The following ZNF710 variants were observed in gnomAD, a reference collection of about 807,000 sequenced individuals.
ZNF710 encodes zinc finger protein 710.
ZNF710 carries 13 observed loss-of-function variants against 50.6 expected under a neutral mutation model. The observed-to-expected ratio is 0.26, with a 90% CI of 0.17 to 0.41. The LOEUF (loss-of-function observed/expected upper bound fraction) is 0.41, where lower values mean the gene tolerates loss of function less well. Ranked by LOEUF, ZNF710 falls within the 10% of genes least tolerant of loss-of-function variation. The pLI is 1.00. For missense variants in ZNF710, 721 were observed against 936.6 expected (o/e 0.77, Z 3.01); for synonymous variants, 383 against 397.0 (o/e 0.96, Z 0.42).
upstream of ZNF710, among the ~76,000 whole-genome samples, chr15:89,999,873 TGAG>T (rs749232910): frequency 5.3e-5 from 8 of 150,422 alleles, no homozygotes; most frequent in Non-Finnish European, 1.2e-4. Context: ...GAGGAATTGA[TGAG>T]GAGAAGGGGT....
In ZNF710 at chr15:90,049,547, A is replaced by G. The variant is rs190866095; in HGVS notation, c.-28-17563A>G. ...ATCTGGGACACATGGCCCAGAGCCT[A>G]CCACCCTGCAGACAGGGCTTCCAAG... is the stretch of plus-strand genomic sequence containing the variant. On this transcript the variant is annotated intron_variant, in intron 1 of 4. Transcript: ENST00000268154. Among the ~76,000 whole-genome samples the G allele has an allele frequency of 7.9e-5, 12 of 152,322 alleles. 1 individual carries two copies. In the East Asian group the frequency reaches 2.1e-3, roughly 27 times the overall value.
intron 1 of ZNF710, among the ~76,000 whole-genome samples, chr15:90,047,940 C>T (rs943116859): frequency 2.0e-5 from 3 of 152,178 alleles, no homozygotes; most frequent in South Asian, 2.1e-4. Flanking sequence ...GCTCGAGGGT[C>T]GTGCTGTGAG....
chr15:90,079,611 C>T, intron 4 of ZNF710, 49 bp from the exon 5 acceptor site: 1 of 1,592,694 alleles, frequency 6.3e-7, no homozygotes, highest in Non-Finnish European at 8.5e-7. Flanking sequence ...GGGTGACTGG[C>T]TCCTCCCGAG....
chr15:90,016,531 T>C (rs1311911339), intron 1 of ZNF710, among the ~76,000 whole-genome samples: 1 of 152,176 alleles, frequency 6.6e-6, no homozygotes, highest in Non-Finnish European at 1.5e-5. Flanking sequence ...AGCCTCAAAC[T>C]CCTGGGCTCA....
At chr15:90,023,786 C>T (rs900175926) in intron 1 of ZNF710, among the ~76,000 whole-genome samples, 3 of 152,154 alleles carry the variant, frequency 2.0e-5, no homozygotes, top group African/African-American at 7.2e-5. Flanking sequence ...TCATTGAGCT[C>T]AGAAGTTCGA....
intron 1 of ZNF710, among the ~76,000 whole-genome samples, chr15:90,037,420 G>C (rs1167828595): frequency 6.6e-6 from 1 of 152,166 alleles, no homozygotes; most frequent in African/African-American, 2.4e-5. Context: ...TGGGAAGGCT[G>C]CCTTGCTCAG....
chr15:90,053,941 G>A (rs542892417), intron 1 of ZNF710, among the ~76,000 whole-genome samples: 2 of 152,308 alleles, frequency 1.3e-5, no homozygotes, highest in South Asian at 4.1e-4. Flanking sequence ...TGGGGAGTCT[G>A]ACCCTTAGAG....
intron 3 of ZNF710, 88 bp downstream of exon 3, chr15:90,073,350 C>T: frequency 6.8e-7 from 1 of 1,480,394 alleles, no homozygotes; most frequent in South Asian, 1.2e-5. Context: ...CCACCAAGCG[C>T]CAGCCTGGCC....
chr15:90,008,540 T>G (rs1440719275), intron 1 of ZNF710, among the ~76,000 whole-genome samples: 1 of 149,978 alleles, frequency 6.7e-6, no homozygotes, highest in African/African-American at 2.5e-5. Flanking sequence ...CACAGGACTT[T>G]GGGAGGCCCA....
At chr15:90,023,092 G>A (rs10775249) in intron 1 of ZNF710, among the ~76,000 whole-genome samples, 82,399 of 151,896 alleles carry the variant, frequency 0.54, 23,116 homozygotes, top group Non-Finnish European at 0.58. Context: ...CCCATTTTAC[G>A]GACAGGGAAA....
chr15:90,046,953 G>A (rs1162975345), intron 1 of ZNF710, among the ~76,000 whole-genome samples: 1 of 152,182 alleles, frequency 6.6e-6, no homozygotes, highest in Admixed American at 6.5e-5. Context: ...GCTCTTCCTG[G>A]CCCCACCTGC....
chr15:90,065,639 G>A (rs1035641981), intron 1 of ZNF710, among the ~76,000 whole-genome samples: 5 of 152,216 alleles, frequency 3.3e-5, no homozygotes, highest in Non-Finnish European at 7.3e-5. Flanking sequence ...CTCCACAGAC[G>A]GCTCACGGAG....
intron 1 of ZNF710, among the ~76,000 whole-genome samples, chr15:90,021,012 C>G (rs1027091340): frequency 1.9e-5 from 2 of 104,398 alleles, no homozygotes; most frequent in Admixed American, 8.6e-5. Flanking sequence ...GTGTGGCACC[C>G]CCCCCCCCTT....
chr15:90,027,411 T>C (rs930152673), intron 1 of ZNF710, among the ~76,000 whole-genome samples: 3 of 152,136 alleles, frequency 2.0e-5, no homozygotes, highest in Non-Finnish European at 4.4e-5. Context: ...GGTTTCACCA[T>C]GTTGGTCAGG....
chr15:90,018,543 G>A (rs1034212070), intron 1 of ZNF710, among the ~76,000 whole-genome samples: 3 of 152,100 alleles, frequency 2.0e-5, no homozygotes, highest in Admixed American at 2.0e-4. Flanking sequence ...TTAAGAACTG[G>A]CCTTTTTTCG....
At chr15:90,014,585 G>A (rs901787624) in intron 1 of ZNF710, among the ~76,000 whole-genome samples, 5 of 148,408 alleles carry the variant, frequency 3.4e-5, no homozygotes, top group Admixed American at 6.7e-5. Context: ...TCTAAAAAAC[G>A]AACACATTAA....
chr15:90,035,515 G>C lies in ZNF710; in HGVS notation c.-28-31595G>C, dbSNP rs530444461. Among the ~76,000 whole-genome samples the C allele has an allele frequency of 9.2e-5, 14 of 152,350 alleles. No individual in the cohort carries two copies. The East Asian group carries it at 2.5e-3, about 27-fold the overall frequency. ...CACCATCGTGCTTCTTATGTGCCGG[G>C]ACAGGATCAGGACCATGTTGTGCCT... is the stretch of plus-strand genomic sequence containing the variant. On this transcript the variant is annotated intron_variant, in intron 1 of 4. Coordinates refer to ENST00000268154, the MANE Select transcript of ZNF710 (RefSeq NM_198526.4).
At chr15:90,049,474 T>C (rs1899570896) in intron 1 of ZNF710, among the ~76,000 whole-genome samples, 1 of 152,192 alleles carries the variant, frequency 6.6e-6, no homozygotes, top group African/African-American at 2.4e-5. Flanking sequence ...TCCCCTCTAC[T>C]AAAGTCACTT....
chr15:90,031,090 G>A (rs906259354), intron 1 of ZNF710, among the ~76,000 whole-genome samples: 1 of 149,424 alleles, frequency 6.7e-6, no homozygotes, highest in Non-Finnish European at 1.5e-5. Context: ...AATACAAAAT[G>A]GCCATTTCTT....
Sources: gnomAD v4.1 joint callset for allele counts (sites outside exome capture counted in the v4.1 genomes callset) on GRCh38, gnomAD v4.1.1 for gene constraint, MANE v1.5 for transcripts, NCBI Gene and HGNC (gene_info 2026-07-23, HGNC 2026-07-21) for gene names.